Variants in ZNF248 observed in about 807,000 individuals in gnomAD.
The protein encoded by ZNF248 is KRAB protein domain.
In ZNF248, 20 loss-of-function variants were observed where a neutral mutation model predicts 44.3. That is an observed-to-expected ratio of 0.45 (90% CI 0.32 to 0.66). ZNF248 has a LOEUF of 0.66. ZNF248 is among the 30% of genes least tolerant of loss of function. The pLI, the probability that ZNF248 is intolerant of heterozygous loss-of-function variation, is 0.04. For synonymous variants in ZNF248, 224 were observed against 229.0 expected (o/e 0.98, Z 0.20); for missense variants, 654 against 677.0 (o/e 0.97, Z 0.38).
At chr10:37,803,283 A>G (rs2050061887) in intron 6 of ZNF248, 1 of 152,254 alleles carries the variant, frequency 6.6e-6, no homozygotes, top group African/African-American at 2.4e-5. Flanking sequence ...AAAGACAGTG[A>G]GTAGACAGGA....
intron 3 of ZNF248, among the ~76,000 whole-genome samples, chr10:37,855,423 T>A (rs2061108961): frequency 1.3e-5 from 2 of 150,118 alleles, no homozygotes; most frequent in African/African-American, 4.9e-5. Flanking sequence ...GTATTATTAA[T>A]TCAAAAGCAC....
intron 6 of ZNF248, chr10:37,818,491 C>T (rs572690402): frequency 4.6e-6 from 1 of 215,248 alleles, no homozygotes; most frequent in African/African-American, 2.3e-5. Flanking sequence ...AAAATAAGCA[C>T]CTGGTTCAGG....
chr10:37,853,707 A>G (rs1291896941), intron 3 of ZNF248, among the ~76,000 whole-genome samples: 4 of 152,140 alleles, frequency 2.6e-5, no homozygotes, highest in Admixed American at 6.5e-5. Flanking sequence ...AAAGTGCTAA[A>G]AAGAAAAGAA....
chr10:37,853,135 G>A (rs1390663975), intron 3 of ZNF248, among the ~76,000 whole-genome samples: 1 of 151,956 alleles, frequency 6.6e-6, no homozygotes, highest in Non-Finnish European at 1.5e-5. Context: ...GTGAGCCACC[G>A]TGCCAGGCCA....
chr10:37,814,193 T>C (rs953095442), intron 6 of ZNF248, among the ~76,000 whole-genome samples: 1 of 152,188 alleles, frequency 6.6e-6, no homozygotes, highest in African/African-American at 2.4e-5. Context: ...TACAGCTGTT[T>C]TGTTACATTT....
chr10:37,786,802 C>T (rs930145819), intron 6 of ZNF248, among the ~76,000 whole-genome samples: 3 of 152,144 alleles, frequency 2.0e-5, no homozygotes, highest in African/African-American at 7.2e-5. Context: ...AATAAAGAGG[C>T]ATTCCATGTT....
chr10:37,781,179 G>A (rs1226366376), intron 6 of ZNF248, among the ~76,000 whole-genome samples: 1 of 152,122 alleles, frequency 6.6e-6, no homozygotes, highest in Non-Finnish European at 1.5e-5. Flanking sequence ...AGATGTCTAT[G>A]GTCTTTACCT....
At chr10:37,839,613 C>T (rs1324530356) in intron 3 of ZNF248, among the ~76,000 whole-genome samples, 1 of 151,636 alleles carries the variant, frequency 6.6e-6, no homozygotes, top group African/African-American at 2.4e-5. Context: ...GGTTCAAAAT[C>T]ATATTAAAGA....
intron 6 of ZNF248, among the ~76,000 whole-genome samples, chr10:37,807,672 T>G (rs960813832): frequency 6.6e-6 from 1 of 152,328 alleles, no homozygotes; most frequent in Non-Finnish European, 1.5e-5. Flanking sequence ...ATGCTGAAAT[T>G]GTTTTCTGAA....
intron 6 of ZNF248, among the ~76,000 whole-genome samples, chr10:37,823,333 CAAAAAAAAAAA>C (rs60957023): frequency 1.7e-4 from 3 of 17,536 alleles, no homozygotes; most frequent in Non-Finnish European, 2.9e-4. Context: ...ACTCCGTCTC[CAAAAAAAAAAA>C]AAAAAAAAAA....
chr10:37,838,751 GAAAA>G (rs150662621), intron 3 of ZNF248, among the ~76,000 whole-genome samples: 4 of 146,976 alleles, frequency 2.7e-5, no homozygotes, highest in African/African-American at 1.0e-4. Context: ...TGAAAAAAAA[GAAAA>G]AAAAAGCAAA....
the ZNF248 span, among the ~76,000 whole-genome samples, chr10:37,769,899 T>G: frequency 2.0e-5 from 3 of 152,286 alleles, no homozygotes; most frequent in Admixed American, 2.0e-4. Flanking sequence ...AAAATCTCCT[T>G]AAGCTGATAA....
chr10:37,790,508 G>A (rs990556686), intron 6 of ZNF248, among the ~76,000 whole-genome samples: 12 of 151,458 alleles, frequency 7.9e-5, no homozygotes, highest in Non-Finnish European at 1.2e-4. Flanking sequence ...TCAAGAGATC[G>A]AGACCATCCT....
At chr10:37,818,746 T>C in intron 6 of ZNF248, 1 of 659,340 alleles carries the variant, frequency 1.5e-6, no homozygotes, top group Non-Finnish European at 2.7e-6. Context: ...GCAGTCCTCC[T>C]TTTGGTAGGC....
At chr10:37,766,592 C>T in the ZNF248 span, among the ~76,000 whole-genome samples, 5 of 152,174 alleles carry the variant, frequency 3.3e-5, no homozygotes, top group Non-Finnish European at 5.9e-5. Context: ...AACTAACAAA[C>T]AGAAAGGACA....
chr10:37,778,143 G>C (rs1055712473), intron 6 of ZNF248, among the ~76,000 whole-genome samples: 16 of 152,212 alleles, frequency 1.1e-4, no homozygotes, highest in East Asian at 1.9e-4. Context: ...CTAGTTTACA[G>C]TCCCACCAAC....
the ZNF248 span, among the ~76,000 whole-genome samples, chr10:37,765,037 C>T: frequency 5.8e-4 from 88 of 152,032 alleles, no homozygotes; most frequent in African/African-American, 2.1e-3. Flanking sequence ...CTTGGCTCAC[C>T]GCAACCTCTG....
At chr10:37,857,918 C>T (rs2061584448), upstream of ZNF248, 1 of 152,528 alleles carries the variant, frequency 6.6e-6, no homozygotes, top group Non-Finnish European at 1.5e-5. Flanking sequence ...AGGGGTCCCT[C>T]CCCACCGCCG....
At chr10:37,838,671 T>C (rs969297036) in intron 3 of ZNF248, among the ~76,000 whole-genome samples, 1 of 151,966 alleles carries the variant, frequency 6.6e-6, no homozygotes, top group Admixed American at 6.6e-5. Context: ...ATGTTTCCAA[T>C]GTTTCTTTTT....
Sources: allele counts gnomAD v4.1 joint callset (sites outside exome capture counted in the v4.1 genomes callset), GRCh38; gene constraint gnomAD v4.1.1; transcripts MANE v1.5; gene names NCBI Gene and HGNC (gene_info 2026-07-23, HGNC 2026-07-21).